The following CDH23 variants were observed in gnomAD, a reference collection of about 807,000 sequenced individuals.
CDH23 encodes the protein cadherin related 23.
A neutral mutation model predicts 317.1 loss-of-function variants in CDH23; 189 were observed. The observed-to-expected ratio is 0.60, with a 90% confidence interval of 0.53 to 0.67. The LOEUF (loss-of-function observed/expected upper bound fraction) is 0.67, where lower values mean the gene tolerates loss of function less well. Ranked by LOEUF, CDH23 falls within the 30% of genes least tolerant of loss-of-function variation. The probability of loss-of-function intolerance (pLI) is 0.00; values close to 1 mark genes in which losing one functional copy is unlikely to be tolerated. For missense variants in CDH23, 4,401 were observed against 4,592.4 expected, an observed-to-expected ratio of 0.96 and a Z score of 1.20; for synonymous variants, 1,839 against 1,876.8, an observed-to-expected ratio of 0.98 and a Z score of 0.52.
chr10:71,425,161 C>T (rs996209835), intron 1 of CDH23, among the ~76,000 whole-genome samples: 10 of 142,858 alleles, frequency 7.0e-5, no homozygotes, highest in Admixed American at 5.0e-4. Context: ...TGGAAGGTGC[C>T]CTGGAGTGGG....
At chr10:71,486,690 G>A (rs538969172) in intron 3 of CDH23, among the ~76,000 whole-genome samples, 1 of 152,314 alleles carries the variant, frequency 6.6e-6, no homozygotes, top group South Asian at 2.1e-4. Context: ...GGGCGCAGCT[G>A]GACCTGACCT....
chr10:71,805,984 A>G lies in CDH23; in HGVS notation c.8051A>G (p.Gln2684Arg). The change falls in exon 56 of 70, where the codon CAG becomes CGG. Residue 2684 changes from glutamine (Q) to arginine (R), a missense_variant. This residue lies in a region of CDH23 where 1,144 missense variants were observed against 1,138.2 expected (regional missense o/e 1.01). Coordinates refer to ENST00000224721, the MANE Select transcript of CDH23 (RefSeq NM_022124.6). ...QTAQRLDRESQAVYSLILVAS... is the reference protein window; with the variant it reads ...QTAQRLDRESRAVYSLILVAS... Reference sequence around the variant, plus strand: ...GCTCAGCGCCTGGACCGCGAGTCGCAGGCGGTGTACAGCGTAAGGGCGGGG... The same window carrying G: ...GCTCAGCGCCTGGACCGCGAGTCGCGGGCGGTGTACAGCGTAAGGGCGGGG... 7.2e-7 allele frequency: 1 copy of G among 1,387,094 alleles called. No individual in the cohort carries two copies. The highest frequency in any genetic ancestry group is 9.6e-7 in the Non-Finnish European group (1 of 1,041,944). 85.9% of individuals were successfully genotyped at this position (1,387,094 alleles called of 1,614,324 possible).
intron 34 of CDH23, chr10:71,737,770 G>C (rs1007211997): frequency 6.4e-6 from 3 of 469,996 alleles, no homozygotes; most frequent in Admixed American, 2.3e-5. Flanking sequence ...CCGTGGACTG[G>C]AGGCCTCACC....
At chr10:71,778,723 ACAGTG>A (rs1840876981) in intron 40 of CDH23, among the ~76,000 whole-genome samples, 4 of 152,184 alleles carry the variant, frequency 2.6e-5, no homozygotes, top group Non-Finnish European at 5.9e-5. Context: ...TAAGACAACC[ACAGTG>A]CAGCAACAAA....
In CDH23 at chr10:71,439,851, C is replaced by T; in HGVS notation, c.20C>T (p.Thr7Ile). The T allele has an allele frequency of 6.4e-7, 1 of 1,571,180 alleles. No individual in the cohort carries two copies. Among genetic ancestry groups the T allele is most frequent in the Non-Finnish European group, 8.6e-7 (1 of 1,157,084 alleles). MGRHVA[T>I]SCHVAWLLVL... Reference sequence around the variant, plus strand: ...GGAGCCATGGGGCGCCATGTTGCCACCAGCTGCCACGTGGCCTGGCTTTTG... The same window carrying T: ...GGAGCCATGGGGCGCCATGTTGCCATCAGCTGCCACGTGGCCTGGCTTTTG... Residue 7 changes from threonine (T) to isoleucine (I), a missense_variant, in exon 2 of 70, where the codon ACC (threonine) becomes ATC (isoleucine). Thr to Ile is a moderately conservative substitution (Grantham distance 89). Coordinates refer to ENST00000224721, the MANE Select transcript of CDH23 (RefSeq NM_022124.6).
chr10:71,533,019 A>C (rs1855491168), intron 6 of CDH23, among the ~76,000 whole-genome samples: 1 of 152,178 alleles, frequency 6.6e-6, no homozygotes, highest in African/African-American at 2.4e-5. Flanking sequence ...GGCGTGAGCC[A>C]CTGCGCCCAG....
rs773077827 is a variant in CDH23, at chr10:71,741,920, C to T, written c.4844C>T (p.Ser1615Leu). The T allele has an allele frequency of 2.9e-5, 46 of 1,587,976 alleles. No homozygotes were observed. Among genetic ancestry groups the T allele is most frequent in the Non-Finnish European group, 3.4e-5 (40 of 1,166,488 alleles). Residue 1615 changes from serine (S) to leucine (L), a missense_variant and splice_region_variant, in exon 38 of 70, where the codon TCG becomes TTG. By Grantham distance (145) the Ser-to-Leu change is moderately radical. Transcript: ENST00000224721. ...GAGGACGAGGGCACCCCAACCCTGT[C>T]GGTGAGCGATGGGGGTGGCCACAGG... is the stretch of plus-strand genomic sequence containing the variant. ...TVEDEGTPTL[S>L]ATTHVYVTIV... is the part of the protein sequence containing the mutation.
intron 31 of CDH23, 84 bp from the exon 32 acceptor site, chr10:71,731,903 G>A: frequency 1.4e-6 from 2 of 1,453,346 alleles, no homozygotes; most frequent in South Asian, 1.3e-5. Flanking sequence ...CACCCAGGGG[G>A]TATGGGTGTG....
At chr10:71,761,455 C>A in intron 38 of CDH23, 1 of 1,006,044 alleles carries the variant, frequency 9.9e-7, no homozygotes, top group Non-Finnish European at 1.4e-6. Context: ...CCTTGACCAC[C>A]CCATCTCACC....
At chr10:71,488,837 A>G (rs1338473845) in intron 3 of CDH23, among the ~76,000 whole-genome samples, 1 of 152,172 alleles carries the variant, frequency 6.6e-6, no homozygotes, top group Middle Eastern at 3.2e-3. Flanking sequence ...TTCTTAAAAG[A>G]TATTTTTGCT....
intron 6 of CDH23, among the ~76,000 whole-genome samples, chr10:71,525,409 C>T (rs1431973932): frequency 6.6e-6 from 1 of 152,238 alleles, no homozygotes. Context: ...CCAGGCTCTA[C>T]CTGCCTTGCT....
chr10:71,728,867 C>T (rs1226249760), intron 30 of CDH23, among the ~76,000 whole-genome samples: 1 of 152,166 alleles, frequency 6.6e-6, no homozygotes, highest in African/African-American at 2.4e-5. Flanking sequence ...CCACCCCCGG[C>T]TAATTTTTTT....
intron 14 of CDH23, among the ~76,000 whole-genome samples, chr10:71,655,734 G>T (rs1467660733): frequency 6.6e-6 from 1 of 152,212 alleles, no homozygotes; most frequent in Admixed American, 6.5e-5. Context: ...GTGGTCTGGG[G>T]TATCTAGGAC....
At chr10:71,573,003 C>T (rs1175397576) in intron 8 of CDH23, among the ~76,000 whole-genome samples, 5 of 152,190 alleles carry the variant, frequency 3.3e-5, no homozygotes, top group South Asian at 2.1e-4. Context: ...CCCGCACTGC[C>T]GTACTCACTT....
At chr10:71,491,679 T>G (rs1185391055) in intron 3 of CDH23, among the ~76,000 whole-genome samples, 1 of 152,226 alleles carries the variant, frequency 6.6e-6, no homozygotes, top group East Asian at 1.9e-4. Flanking sequence ...GATGAGGGTT[T>G]CAGCAAAGTT....
rs1443914220 is a variant in CDH23, at chr10:71,803,387, C to T, written c.7839C>T (p.Arg2613=). ...ATGACAACCGCCCTGTCTTTGTGCGCCCACCCAACGGCACCATCCTCCACA... is the reference window on the plus strand; with the variant it reads ...ATGACAACCGCCCTGTCTTTGTGCGTCCACCCAACGGCACCATCCTCCACA... ...DVNDNRPVFV[R]PPNGTILHIR... is the part of the protein sequence containing the mutation. Residue 2613 remains arginine (R), a synonymous_variant, in exon 55 of 70, where the codon CGC becomes CGT. Transcript: ENST00000224721. The T allele has an allele frequency of 6.3e-7, 1 of 1,599,042 alleles. No homozygotes were observed. Among genetic ancestry groups the T allele is most frequent in the Non-Finnish European group, 8.5e-7 (1 of 1,173,512 alleles).
chr10:71,642,315 C>T (rs1862588858), intron 11 of CDH23, among the ~76,000 whole-genome samples: 1 of 151,284 alleles, frequency 6.6e-6, no homozygotes, highest in African/African-American at 2.4e-5. Flanking sequence ...CCGCATCAGA[C>T]ATGAGCTCCA....
chr10:71,513,178 T>C (rs1029528247), intron 6 of CDH23, among the ~76,000 whole-genome samples: 4 of 152,204 alleles, frequency 2.6e-5, no homozygotes, highest in East Asian at 3.9e-4. Flanking sequence ...TAAACATCCC[T>C]GGTTGCTTTA....
intron 44 of CDH23, among the ~76,000 whole-genome samples, chr10:71,786,488 CTTTTTTTTTTTT>C (rs71018221): frequency 1.9e-5 from 2 of 105,376 alleles, no homozygotes; most frequent in Non-Finnish European, 3.6e-5. Context: ...GCTTCCTACT[CTTTTTTTTTTTT>C]TTTTTTTTTG....
Sources: allele counts gnomAD v4.1 joint callset (sites outside exome capture counted in the v4.1 genomes callset), GRCh38; gene constraint gnomAD v4.1.1; regional missense constraint gnomAD v4.1.1; transcripts MANE v1.5; gene names NCBI Gene and HGNC (gene_info 2026-07-23, HGNC 2026-07-21).